The following DIS3L2 variants were observed in gnomAD, a reference collection of about 807,000 sequenced individuals.
DIS3L2 encodes DIS3 like 3'-5' exoribonuclease 2.
DIS3L2 carries 34 observed loss-of-function variants against 97.5 expected under a neutral mutation model. The ratio of observed to expected loss-of-function variants is 0.35; its 90% CI spans 0.27 to 0.46. DIS3L2 has a LOEUF of 0.46. Among genes scored for constraint, DIS3L2 ranks in the 20% least tolerant of loss-of-function variants. The pLI, the probability that DIS3L2 is intolerant of heterozygous loss-of-function variation, is 1.00. For missense variants in DIS3L2, 1,038 were observed against 1,146.0 expected (o/e 0.91, Z 1.36); for synonymous variants, 435 against 445.2 (o/e 0.98, Z 0.29).
chr2:232,232,095 G>C (rs1692807955), intron 10 of DIS3L2, among the ~76,000 whole-genome samples: 2 of 152,196 alleles, frequency 1.3e-5, no homozygotes, highest in Non-Finnish European at 2.9e-5. Context: ...GTCATTTAAG[G>C]GATAAGGGCC....
At chr2:232,310,048 A>G (rs1695083321) in intron 14 of DIS3L2, among the ~76,000 whole-genome samples, 1 of 152,220 alleles carries the variant, frequency 6.6e-6, no homozygotes. Flanking sequence ...TACTTTGGAA[A>G]TGACACTTTC....
intron 1 of DIS3L2, among the ~76,000 whole-genome samples, chr2:232,004,315 G>C (rs2342296): frequency 0.94 from 143,302 of 152,274 alleles, 67,550 homozygotes; most frequent in East Asian, 1. Flanking sequence ...TCCGGTCATC[G>C]ACCCGCCTTG....
At chr2:232,290,668 AT>A (rs1301158562) in intron 13 of DIS3L2, among the ~76,000 whole-genome samples, 1 of 152,214 alleles carries the variant, frequency 6.6e-6, no homozygotes, top group Non-Finnish European at 1.5e-5. Context: ...TTGTCCTGTC[AT>A]TTTTAACCTT....
intron 1 of DIS3L2, among the ~76,000 whole-genome samples, chr2:232,003,475 T>C (rs1354701686): frequency 6.6e-6 from 1 of 152,240 alleles, no homozygotes; most frequent in Non-Finnish European, 1.5e-5. Flanking sequence ...AGATTAGAAA[T>C]AATTTTCCTT....
chr2:232,118,673 T>C (rs1252548357), intron 6 of DIS3L2, among the ~76,000 whole-genome samples: 1 of 152,196 alleles, frequency 6.6e-6, no homozygotes. Flanking sequence ...TTCTCCACAA[T>C]AGCCATATAG....
intron 15 of DIS3L2, 142 bp from the exon 16 acceptor site, chr2:232,330,548 C>T: frequency 2.3e-6 from 2 of 856,326 alleles, no homozygotes; most frequent in Admixed American, 3.7e-5. Flanking sequence ...CTCTCCCCAC[C>T]CATCCCCTCT....
rs1695544029 is a variant in DIS3L2, at chr2:232,325,397, G to A, written c.1740-4416G>A. 6.6e-6 allele frequency among the ~76,000 whole-genome samples: 1 copy of A among 152,222 alleles called. No individual in the cohort carries two copies. Among genetic ancestry groups the A allele is most frequent in the African/African-American group, 2.4e-5 (1 of 41,458 alleles). ...TCTACCAGTGTCACCCTTGCTGTGGGGAGTGTGTACCGTGTGCGGGGGGCT... is the reference window on the plus strand; with the variant it reads ...TCTACCAGTGTCACCCTTGCTGTGGAGAGTGTGTACCGTGTGCGGGGGGCT... On this transcript the variant is annotated intron_variant, in intron 14 of 20. Transcript: ENST00000325385. This position sits in a 1 kb window ranked among gnomAD's most constrained non-coding sequence, Gnocchi z 4.6.
At chr2:232,285,121 T>A (rs886079771) in intron 13 of DIS3L2, among the ~76,000 whole-genome samples, 2 of 152,256 alleles carry the variant, frequency 1.3e-5, no homozygotes, top group Non-Finnish European at 2.9e-5. Flanking sequence ...GGGTTTTTTT[T>A]CTTTATTTCT....
intron 1 of DIS3L2, among the ~76,000 whole-genome samples, chr2:231,967,213 A>G (rs1217954393): frequency 6.6e-6 from 1 of 152,202 alleles, no homozygotes; most frequent in Non-Finnish European, 1.5e-5. Context: ...AGTGTCTGGT[A>G]GACACGGAGA....
intron 4 of DIS3L2, among the ~76,000 whole-genome samples, chr2:232,027,452 T>C (rs1694689754): frequency 6.6e-6 from 1 of 152,114 alleles, no homozygotes; most frequent in Non-Finnish European, 1.5e-5. Flanking sequence ...GGACATACAG[T>C]GGCTTCCTCA....
At chr2:232,272,090 T>C (rs886519003) in intron 13 of DIS3L2, among the ~76,000 whole-genome samples, 1 of 152,248 alleles carries the variant, frequency 6.6e-6, no homozygotes, top group African/African-American at 2.4e-5. Context: ...CTCATTATTA[T>C]AACCCTGAAC....
At position 232,188,653 on chromosome 2, in the gene DIS3L2, A is replaced by G. The variant is rs148948378; in HGVS notation, c.1125-21673A>G. On this transcript the variant is annotated intron_variant, in intron 9 of 20. Coordinates refer to ENST00000325385, the MANE Select transcript of DIS3L2 (RefSeq NM_152383.5). ...GAAATGAGCATAGAAGAGTACTTAC[A>G]GGATGTAGGACTAGAGAAAGAGTTC... Among the ~76,000 whole-genome samples, 20 of 152,366 alleles carry G rather than the reference A, an allele frequency of 1.3e-4. No homozygotes were observed. In the East Asian group the frequency reaches 3.9e-3, roughly 29 times the overall value.
Position 232,233,737 on chromosome 2 carries a change from G to A in DIS3L2, c.1205-4796G>A, listed in dbSNP as rs143745914. ...GCCACCCTGGTTGTGCTCATTCCTG[G>A]CACAGGCCTCTTGAGTCGTTCAGAC... is the stretch of plus-strand genomic sequence containing the variant. On this transcript the variant is annotated intron_variant, in intron 10 of 20. Transcript: ENST00000325385. 7.9e-5 allele frequency among the ~76,000 whole-genome samples: 12 copies of A among 152,346 alleles called. No homozygotes were observed. In the East Asian group the frequency reaches 2.3e-3, roughly 29 times the overall value.
chr2:232,079,908 A>C (rs1482478379), intron 5 of DIS3L2, among the ~76,000 whole-genome samples: 1 of 152,226 alleles, frequency 6.6e-6, no homozygotes, highest in Non-Finnish European at 1.5e-5. Flanking sequence ...ACTGTAGAAC[A>C]TGAGGATAGA....
intron 5 of DIS3L2, among the ~76,000 whole-genome samples, chr2:232,032,662 T>G (rs1191820014): frequency 6.6e-6 from 1 of 152,244 alleles, no homozygotes; most frequent in African/African-American, 2.4e-5. Context: ...TTAATCCATC[T>G]TGAGTTAATT....
At chr2:231,975,908 A>G (rs76914668) in intron 1 of DIS3L2, among the ~76,000 whole-genome samples, 2,511 of 151,710 alleles carry the variant, frequency 0.017, 70 homozygotes, top group African/African-American at 0.058. Flanking sequence ...ACTTATTTCT[A>G]TGTTCTCATT....
Position 232,029,904 on chromosome 2 carries a change from A to G in DIS3L2, c.265-75A>G. On this transcript the variant is annotated intron_variant, in intron 4 of 20. Transcript: ENST00000325385. ...TAACTTGCTGTTTTCTATTTCAGTTATGAAAGCAGGCAATCTGTTTTTTGC... is the reference window on the plus strand; with the variant it reads ...TAACTTGCTGTTTTCTATTTCAGTTGTGAAAGCAGGCAATCTGTTTTTTGC... The G allele has an allele frequency of 2.8e-6, 3 of 1,072,778 alleles. No individual in the cohort carries two copies. The African/African-American group carries it at 4.9e-5, about 17-fold the overall frequency. 66.5% of individuals were successfully genotyped at this position (1,072,778 alleles called of 1,614,324 possible).
chr2:232,091,138 A>G (rs901469742), intron 6 of DIS3L2, among the ~76,000 whole-genome samples: 1 of 152,220 alleles, frequency 6.6e-6, no homozygotes, highest in Non-Finnish European at 1.5e-5. Flanking sequence ...TAGCATAGAA[A>G]GCTGCCATCC....
intron 7 of DIS3L2, chr2:232,131,943 C>CAAAAAAAA (rs33952490): frequency 5.5e-5 from 2 of 36,440 alleles, no homozygotes; most frequent in African/African-American, 1.2e-4. Flanking sequence ...TGGCTTTCAG[C>CAAAAAAAA]AAAAAAAAAA....
Sources: gnomAD v4.1 joint callset for allele counts (sites outside exome capture counted in the v4.1 genomes callset) on GRCh38, gnomAD v4.1.1 for gene constraint, Gnocchi (gnomAD v3.1) non-coding constraint, MANE v1.5 for transcripts, NCBI Gene and HGNC (gene_info 2026-07-23, HGNC 2026-07-21) for gene names.